The following DET1 variants were observed in gnomAD, a reference collection of about 807,000 sequenced individuals.
The protein encoded by DET1 is DET1 partner of COP1 E3 ubiquitin ligase.
Under a neutral mutation model 43.7 loss-of-function variants are expected in DET1, and 22 were observed. That is an observed-to-expected ratio of 0.50 (90% CI 0.36 to 0.72). DET1 has a LOEUF of 0.72. DET1 is among the 30% of genes least tolerant of loss of function. The pLI, the probability that DET1 is intolerant of heterozygous loss-of-function variation, is 0.00. For missense variants in DET1, 713 were observed against 713.3 expected (o/e 1.00, Z 0.00); for synonymous variants, 315 against 266.2 (o/e 1.18, Z -1.79).
chr15:88,514,489 A>T (rs1479755244), intron 4 of DET1, among the ~76,000 whole-genome samples: 15 of 152,246 alleles, frequency 9.9e-5, no homozygotes, highest in Admixed American at 9.8e-4. Flanking sequence ...GTACATGAAT[A>T]AAGATGACTA....
intron 1 of DET1, among the ~76,000 whole-genome samples, chr15:88,538,146 A>C (rs187121588): frequency 3.5e-4 from 54 of 152,268 alleles, no homozygotes; most frequent in African/African-American, 9.4e-4. Flanking sequence ...TAATGCCCAA[A>C]CTGGTTTTTA....
At chr15:88,517,993 G>A (rs1024605446) in intron 3 of DET1, among the ~76,000 whole-genome samples, 1 of 152,062 alleles carries the variant, frequency 6.6e-6, no homozygotes, top group African/African-American at 2.4e-5. Flanking sequence ...CTGGAGGGCA[G>A]TGGCACAACC....
At chr15:88,543,536 C>T (rs138776138) in intron 1 of DET1, among the ~76,000 whole-genome samples, 2 of 152,188 alleles carry the variant, frequency 1.3e-5, no homozygotes, top group Non-Finnish European at 2.9e-5. Flanking sequence ...CAAGATGTGG[C>T]CCTAGAGAAG....
chr15:88,541,655 G>A (rs2057109180), intron 1 of DET1, among the ~76,000 whole-genome samples: 1 of 152,230 alleles, frequency 6.6e-6, no homozygotes, highest in East Asian at 1.9e-4. Flanking sequence ...TTCAAGCCGT[G>A]TGGCGGGTTG....
In DET1 at chr15:88,537,688, TCA is replaced by T. The variant is rs2056989313; in HGVS notation, c.-10-5975_-10-5974del. On this transcript the variant is annotated intron_variant, in intron 1 of 4. Coordinates refer to ENST00000268148, the MANE Select transcript of DET1 (RefSeq NM_001144074.3). ...GCAAACACTATATTCTGTATGCTCA[TCA>T]CAGTGTTTGACACATGGTAAGCCTC... 3.9e-5 allele frequency among the ~76,000 whole-genome samples: 6 copies of T among 152,324 alleles called. No individual in the cohort carries two copies. The South Asian group carries it at 1.2e-3, about 32-fold the overall frequency.
chr15:88,508,702 G>T (rs947427762), downstream of DET1, among the ~76,000 whole-genome samples: 5 of 131,846 alleles, frequency 3.8e-5, no homozygotes, highest in African/African-American at 1.3e-4. Flanking sequence ...GAGGAGGGGT[G>T]GAGACAGAGA....
downstream of DET1, among the ~76,000 whole-genome samples, chr15:88,510,777 T>G (rs547119429): frequency 8.6e-5 from 13 of 150,592 alleles, no homozygotes; most frequent in Admixed American, 2.6e-4. Context: ...TTTTGTTTTT[T>G]TTTTTTTGAG....
At chr15:88,536,642 G>A (rs2056958535) in intron 1 of DET1, among the ~76,000 whole-genome samples, 1 of 151,732 alleles carries the variant, frequency 6.6e-6, no homozygotes, top group Admixed American at 6.6e-5. Context: ...GCTGGGCATG[G>A]TGGCGGGGAC....
chr15:88,544,094 A>G (rs930103688), intron 1 of DET1, among the ~76,000 whole-genome samples: 3 of 152,158 alleles, frequency 2.0e-5, no homozygotes, highest in Non-Finnish European at 2.9e-5. Context: ...CAATAAAATC[A>G]TCCCTCAATA....
intron 1 of DET1, among the ~76,000 whole-genome samples, chr15:88,533,072 G>A (rs544110628): frequency 1.4e-4 from 22 of 152,184 alleles, no homozygotes; most frequent in African/African-American, 5.3e-4. Context: ...AACATATAAA[G>A]AACTCCTATA....
At chr15:88,539,210 G>T (rs1301059673) in intron 1 of DET1, among the ~76,000 whole-genome samples, 4 of 151,958 alleles carry the variant, frequency 2.6e-5, no homozygotes, top group African/African-American at 9.7e-5. Context: ...GAGGACAAAG[G>T]CTTGCATTTG....
In DET1 at chr15:88,531,476, G is replaced by A. The variant is rs749194532; in HGVS notation, c.230C>T (p.Ser77Leu). The stretch of plus-strand genomic sequence containing the variant: ...ATAGATTTCAAGAGATGTCTGGTCT[G>A]AAGAAAAAGCAATAAAGTAGCGTCC... ...PDGRYFIAFS[S>L]DQTSLEIYEY... is the part of the protein sequence containing the mutation. Residue 77 changes from serine (S) to leucine (L), a missense_variant, in exon 2 of 5, where the codon TCA (serine) becomes TTA (leucine). Transcript: ENST00000268148. This position sits in a 1 kb window ranked among gnomAD's most constrained non-coding sequence, Gnocchi z 6.2. The A allele has an allele frequency of 1.2e-6, 2 of 1,614,030 alleles. No individual in the cohort carries two copies. The highest frequency in any genetic ancestry group is 8.5e-7 in the Non-Finnish European group (1 of 1,179,900).
intron 4 of DET1, 53 bp from the exon 5 acceptor site, chr15:88,513,193 C>G: frequency 6.6e-7 from 1 of 1,508,046 alleles, no homozygotes; most frequent in Non-Finnish European, 8.9e-7. Flanking sequence ...TTGATATTCA[C>G]CATCGAACTG....
intron 3 of DET1, among the ~76,000 whole-genome samples, chr15:88,523,419 A>C (rs11857119): frequency 0.7 from 105,524 of 151,610 alleles, 36,958 homozygotes; most frequent in South Asian, 0.8. Context: ...GCTCCCTCTC[A>C]CTCTTGTCTC....
chr15:88,526,533 C>G (rs939265597), intron 3 of DET1, among the ~76,000 whole-genome samples: 2 of 148,862 alleles, frequency 1.3e-5, no homozygotes, highest in Admixed American at 1.3e-4. Flanking sequence ...AAAGGGACTC[C>G]AGGTGTCAAT....
downstream of DET1, chr15:88,512,416 G>A (rs776554413): frequency 1.7e-5 from 17 of 985,438 alleles, no homozygotes; most frequent in Admixed American, 6.1e-5. Context: ...GTCCTTCCTG[G>A]AACCCAAGTA....
rs1228374297 is a variant in DET1, at chr15:88,540,850, G to A, written c.-11+5690C>T. On this transcript the variant is annotated intron_variant, in intron 1 of 4. Coordinates refer to ENST00000268148, the MANE Select transcript of DET1 (RefSeq NM_001144074.3). ...ACCCAGGGACACAAAAACTGTGGAA[G>A]GCCGCAGGGACCTCTGCCTAGGAAA... 2.3e-5 allele frequency among the ~76,000 whole-genome samples: 3 copies of A among 129,528 alleles called. No individual in the cohort carries two copies. In the East Asian group the frequency reaches 6.5e-4, roughly 28 times the overall value. The allele number at this position is 129,528 out of a possible 152,430, so 85.0% of individuals were successfully genotyped here. A position where few individuals can be genotyped will look rare whatever the true frequency, so the allele number is the denominator to read the frequency against.
rs1250423775 is a variant in DET1, at chr15:88,513,064, CTGT to C, written c.1537_1539del (p.Thr513del). 3 of 1,614,084 alleles carry C rather than the reference CTGT, an allele frequency of 1.9e-6. No homozygotes were observed. Among genetic ancestry groups the C allele is most frequent in the Non-Finnish European group, 2.5e-6 (3 of 1,179,908 alleles). Reference sequence around the variant, plus strand: ...AAGGTGAAGGCAACAAGGCGTCGCACTGTGTGGTTGATGGGGCGGCCCAATAAC... The same window carrying C: ...AAGGTGAAGGCAACAAGGCGTCGCACGTGGTTGATGGGGCGGCCCAATAAC... On this transcript the variant is annotated inframe_deletion, in exon 5 of 5. Coordinates refer to ENST00000268148, the MANE Select transcript of DET1 (RefSeq NM_001144074.3).
At chr15:88,515,641 A>G (rs59861085) in intron 4 of DET1, among the ~76,000 whole-genome samples, 14,991 of 151,076 alleles carry the variant, frequency 0.099, 1,349 homozygotes, top group East Asian at 0.52. Flanking sequence ...TAAAAAGAAT[A>G]TTTATAAGAC....
Sources: allele counts gnomAD v4.1 joint callset (sites outside exome capture counted in the v4.1 genomes callset), GRCh38; gene constraint gnomAD v4.1.1; non-coding constraint Gnocchi (gnomAD v3.1); transcripts MANE v1.5; gene names NCBI Gene and HGNC (gene_info 2026-07-23, HGNC 2026-07-21).